Variants in LMTK2 observed in about 807,000 individuals in gnomAD.
The protein encoded by LMTK2 is lemur tail kinase 2, also known as serine/threonine-protein kinase LMTK2.
Under a neutral mutation model 127.5 loss-of-function variants are expected in LMTK2, and 37 were observed. The ratio of observed to expected loss-of-function variants is 0.29; its 90% CI spans 0.22 to 0.38. The LOEUF is 0.38. Among genes scored for constraint, LMTK2 ranks in the 10% least tolerant of loss-of-function variants. LMTK2 has a pLI of 1.00. For missense variants in LMTK2, 1,694 were observed against 1,920.3 expected (o/e 0.88, Z 2.20); for synonymous variants, 819 against 810.1 (o/e 1.01, Z -0.19).
At chr7:98,110,725 G>A (rs1418464215) in intron 1 of LMTK2, among the ~76,000 whole-genome samples, 1 of 152,212 alleles carries the variant, frequency 6.6e-6, no homozygotes, top group Non-Finnish European at 1.5e-5. Flanking sequence ...TATTAGGATA[G>A]TGGTGAGACA....
At chr7:98,181,476 A>T (rs1286646554) in intron 7 of LMTK2, among the ~76,000 whole-genome samples, 1 of 152,168 alleles carries the variant, frequency 6.6e-6, no homozygotes, top group Non-Finnish European at 1.5e-5. Flanking sequence ...CAAATACTCA[A>T]TACAATACAG....
At chr7:98,180,144 C>A (rs904238520) in intron 7 of LMTK2, among the ~76,000 whole-genome samples, 1 of 152,210 alleles carries the variant, frequency 6.6e-6, no homozygotes, top group Non-Finnish European at 1.5e-5. Flanking sequence ...GTTATTGAAT[C>A]AATGTTATGT....
At chr7:98,167,863 G>A (rs1471437939) in intron 6 of LMTK2, among the ~76,000 whole-genome samples, 2 of 152,190 alleles carry the variant, frequency 1.3e-5, no homozygotes, top group Non-Finnish European at 2.9e-5. Flanking sequence ...TGGGGGGGCC[G>A]AGGAAGGAGC....
Position 98,205,660 on chromosome 7 carries a change from C to T in LMTK2, c.*168C>T. On this transcript the variant is annotated 3_prime_UTR_variant, in exon 14 of 14. Coordinates refer to ENST00000297293, the MANE Select transcript of LMTK2 (RefSeq NM_014916.4). ...CTCTTAGCTGCGTTCAAGGCGGGGC[C>T]CTCGGGAGCCCAGGTGCAGAGCGAG... 2.8e-6 allele frequency: 2 copies of T among 723,022 alleles called. No homozygotes were observed. The highest frequency in any genetic ancestry group is 4.6e-6 in the Non-Finnish European group (2 of 434,926). The allele number at this position is 723,022 out of a possible 1,614,324, so 44.8% of individuals were successfully genotyped here. A position where few individuals can be genotyped will look rare whatever the true frequency, so the allele number is the denominator to read the frequency against.
At chr7:98,184,460 G>T (rs1277187467) in intron 7 of LMTK2, among the ~76,000 whole-genome samples, 2 of 151,946 alleles carry the variant, frequency 1.3e-5, no homozygotes, top group African/African-American at 4.8e-5. Context: ...ATGTGTGTGG[G>T]GGTGCTCTCC....
intron 5 of LMTK2, among the ~76,000 whole-genome samples, chr7:98,158,318 G>A (rs992494156): frequency 9.2e-5 from 14 of 152,064 alleles, no homozygotes; most frequent in African/African-American, 3.4e-4. Flanking sequence ...TTTGTCCCCC[G>A]GGCTGGAGTG....
intron 1 of LMTK2, among the ~76,000 whole-genome samples, chr7:98,108,224 A>G (rs764036092): frequency 1.3e-5 from 2 of 152,224 alleles, no homozygotes; most frequent in African/African-American, 4.8e-5. Context: ...TGACCTACCC[A>G]GGGTGACACA....
intron 2 of LMTK2, 79 bp downstream of exon 2, chr7:98,137,521 T>C: frequency 7.2e-7 from 1 of 1,387,182 alleles, no homozygotes; most frequent in Non-Finnish European, 9.7e-7. Context: ...CACAGTCCTT[T>C]GGGAACAGGA....
chr7:98,156,764 A>C (rs1332739818), intron 5 of LMTK2, among the ~76,000 whole-genome samples: 3 of 152,178 alleles, frequency 2.0e-5, no homozygotes, highest in Non-Finnish European at 4.4e-5. Flanking sequence ...GAAAGTCTAG[A>C]GTCTGCAGGG....
At chr7:98,160,147 T>C (rs1796992314) in intron 6 of LMTK2, among the ~76,000 whole-genome samples, 1 of 152,212 alleles carries the variant, frequency 6.6e-6, no homozygotes, top group Non-Finnish European at 1.5e-5. Flanking sequence ...AGCTGTTAAT[T>C]GGATGAGTCA....
chr7:98,194,284 G>A lies in LMTK2; in HGVS notation c.3819G>A (p.Gly1273=), dbSNP rs760036519. 6.2e-7 allele frequency: 1 copy of A among 1,614,060 alleles called. No individual in the cohort carries two copies. The change falls in exon 11 of 14, where the codon GGG becomes GGA. Residue 1273 remains glycine (G), a synonymous_variant. Coordinates refer to ENST00000297293, the MANE Select transcript of LMTK2 (RefSeq NM_014916.4). This position sits in a 1 kb window ranked among gnomAD's most constrained non-coding sequence, Gnocchi z 5.4. The stretch of plus-strand genomic sequence containing the variant: ...ACCTGGGGAAACTCGGGGTGTCAGG[G>A]ATGCTCGACCTCTCAGAGGACGGGA... ...GKYLGKLGVS[G]MLDLSEDGMD...
chr7:98,133,162 C>T lies in LMTK2; in HGVS notation c.104-4153C>T, dbSNP rs951988. The stretch of plus-strand genomic sequence containing the variant: ...GGGAAAGCATACGTATTCCGCCAGA[C>T]CTCATGTGGTGCTTGCTCTCAATTT... On this transcript the variant is annotated intron_variant, in intron 1 of 13. Coordinates refer to ENST00000297293, the MANE Select transcript of LMTK2 (RefSeq NM_014916.4). 1.4e-4 allele frequency among the ~76,000 whole-genome samples: 21 copies of T among 152,080 alleles called. 1 individual carries two copies. Among genetic ancestry groups the T allele is most frequent in the African/African-American group, 4.8e-4 (20 of 41,464 alleles).
rs781742527 is a variant in LMTK2 at position 98,187,017 on chromosome 7, T to C, written c.998+19T>C. 49 of 1,595,074 alleles carry C rather than the reference T, an allele frequency of 3.1e-5. No individual in the cohort carries two copies. The highest frequency in any genetic ancestry group is 4.2e-5 in the Non-Finnish European group (49 of 1,171,986). On this transcript the variant is annotated intron_variant, in intron 9 of 13. Coordinates refer to ENST00000297293, the MANE Select transcript of LMTK2 (RefSeq NM_014916.4). ...ATATCTGGTACGTATTGGCTTACCG[T>C]TTTATTAGTCATTTCTTTGGCAAAG...
chr7:98,174,862 C>A (rs190315956), intron 7 of LMTK2, among the ~76,000 whole-genome samples: 1 of 152,288 alleles, frequency 6.6e-6, no homozygotes, highest in Admixed American at 6.5e-5. Context: ...CAGAGAAATA[C>A]ATTTAAAATC....
At chr7:98,162,903 GA>G (rs750508754) in intron 6 of LMTK2, among the ~76,000 whole-genome samples, 18 of 152,194 alleles carry the variant, frequency 1.2e-4, no homozygotes, top group Non-Finnish European at 1.9e-4. Flanking sequence ...ATCGATGGGT[GA>G]ATGGATAAAC....
intron 6 of LMTK2, among the ~76,000 whole-genome samples, chr7:98,163,038 G>A (rs992927454): frequency 3.2e-4 from 49 of 152,018 alleles, no homozygotes; most frequent in African/African-American, 1.2e-3. Flanking sequence ...AAAAAGACAA[G>A]TTCTGGGTAA....
chr7:98,109,911 A>G (rs1367667643), intron 1 of LMTK2, among the ~76,000 whole-genome samples: 1 of 152,130 alleles, frequency 6.6e-6, no homozygotes, highest in Non-Finnish European at 1.5e-5. Context: ...AATCCTGACT[A>G]GTGAGCTCGC....
chr7:98,110,329 G>C (rs1438681425), intron 1 of LMTK2, among the ~76,000 whole-genome samples: 2 of 152,130 alleles, frequency 1.3e-5, no homozygotes. Context: ...GGCATTTCTT[G>C]GTTGAACTTT....
intron 5 of LMTK2, among the ~76,000 whole-genome samples, chr7:98,157,272 GGTAGGT>G: frequency 6.6e-6 from 1 of 151,368 alleles, no homozygotes. Context: ...TAGGTAGGTA[GGTAGGT>G]AGGTAGGTAG....
Sources: gnomAD v4.1 joint callset for allele counts (sites outside exome capture counted in the v4.1 genomes callset) on GRCh38, gnomAD v4.1.1 for gene constraint, Gnocchi (gnomAD v3.1) non-coding constraint, MANE v1.5 for transcripts, NCBI Gene and HGNC (gene_info 2026-07-23, HGNC 2026-07-21) for gene names.